PDZRN3: variants seen among roughly 807,000 people sequenced by gnomAD.
The protein encoded by PDZRN3 is E3 ubiquitin-protein ligase PDZRN3.
In PDZRN3, 38 loss-of-function variants were observed where a neutral mutation model predicts 85.7. That is an observed-to-expected ratio of 0.44 (90% CI 0.34 to 0.58). The LOEUF (loss-of-function observed/expected upper bound fraction) is 0.58. Ranked by LOEUF, PDZRN3 falls within the 20% of genes least tolerant of loss-of-function variation. The pLI, the probability that PDZRN3 is intolerant of heterozygous loss-of-function variation, is 0.01. For synonymous variants in PDZRN3, 759 were observed against 638.0 expected (o/e 1.19, Z -2.86); for missense variants, 1,629 against 1,506.4 (o/e 1.08, Z -1.35).
intron 3 of PDZRN3, among the ~76,000 whole-genome samples, chr3:73,551,644 G>A (rs1181946660): frequency 4.9e-5 from 7 of 142,688 alleles, no homozygotes; most frequent in Non-Finnish European, 3.0e-5. Context: ...AACTGTGATT[G>A]CACCACTGCA....
Position 73,569,311 on chromosome 3 carries a change from A to G in PDZRN3, c.918+33043T>C. On this transcript the variant is annotated intron_variant, in intron 3 of 9. Transcript: ENST00000263666. ...TGAGATACTGAGATTCTCTCAAAAC[A>G]GCCTCAGGTGAACCAGGAGAATAAG... The G allele has an allele frequency of 6.5e-6, 8 of 1,232,340 alleles. No homozygotes were observed. In the South Asian group the frequency reaches 1.0e-4, roughly 16 times the overall value. 76.3% of individuals were successfully genotyped at this position (1,232,340 alleles called of 1,614,324 possible).
chr3:73,492,298 C>T (rs1046275741), intron 3 of PDZRN3, among the ~76,000 whole-genome samples: 1 of 152,132 alleles, frequency 6.6e-6, no homozygotes, highest in Non-Finnish European at 1.5e-5. Context: ...TGTATCTCCT[C>T]CTGGGGATAA....
At chr3:73,488,884 T>G (rs1703715404) in intron 3 of PDZRN3, among the ~76,000 whole-genome samples, 1 of 152,254 alleles carries the variant, frequency 6.6e-6, no homozygotes, top group Admixed American at 6.5e-5. Flanking sequence ...CCATCTCTGC[T>G]GCTGATTTCC....
intron 3 of PDZRN3, among the ~76,000 whole-genome samples, chr3:73,535,438 T>A (rs989859137): frequency 3.3e-5 from 5 of 152,210 alleles, no homozygotes; most frequent in Admixed American, 6.5e-5. Context: ...GAGACTTAAC[T>A]GGAGCATCAG....
intron 9 of PDZRN3, among the ~76,000 whole-genome samples, chr3:73,385,407 C>G (rs1362854972): frequency 6.6e-6 from 1 of 152,230 alleles, no homozygotes; most frequent in Non-Finnish European, 1.5e-5. Flanking sequence ...AATGCCAACG[C>G]ATATGTTTTC....
At chr3:73,603,205 A>G (rs1342748028) in intron 2 of PDZRN3, among the ~76,000 whole-genome samples, 5 of 152,354 alleles carry the variant, frequency 3.3e-5, no homozygotes, top group Admixed American at 2.0e-4. Flanking sequence ...GTGAAAACAG[A>G]TATTTTGTTT....
In PDZRN3 at chr3:73,469,949, G is replaced by A. The variant is rs76171666; in HGVS notation, c.919-65554C>T. ...AAGTGGGTAGTTAGTTCAATGTGCT[G>A]TACGTTGTAGGATGTCTAGCAGCAT... On this transcript the variant is annotated intron_variant, in intron 3 of 9. Coordinates refer to ENST00000263666, the MANE Select transcript of PDZRN3 (RefSeq NM_015009.3). 1.4e-4 allele frequency among the ~76,000 whole-genome samples: 22 copies of A among 152,264 alleles called. No individual in the cohort carries two copies. The East Asian group carries it at 3.9e-3, about 27-fold the overall frequency.
intron 3 of PDZRN3, among the ~76,000 whole-genome samples, chr3:73,447,003 G>GT (rs1425637214): frequency 4.0e-5 from 6 of 149,434 alleles, no homozygotes; most frequent in African/African-American, 1.5e-4. Context: ...TCGGATGGAC[G>GT]TGAGCTGAAC....
intron 3 of PDZRN3, among the ~76,000 whole-genome samples, chr3:73,575,646 G>A (rs1262960191): frequency 2.0e-5 from 3 of 152,170 alleles, no homozygotes; most frequent in Admixed American, 2.0e-4. Flanking sequence ...AGAAAGAGAA[G>A]GGCATTATAG....
At position 73,384,642 on chromosome 3, in the gene PDZRN3, C is replaced by A; in HGVS notation, c.1924G>T (p.Glu642Ter). The change falls in exon 10 of 10, where the codon GAG becomes TAG. Residue 642 changes from glutamate to a stop codon, truncating the protein, a stop_gained. Transcript: ENST00000263666. LOFTEE classifies it high-confidence loss of function. ...AGGAGCTCGCGGAAGCGCTCGCACT[C>A]GTCCACCGGGATCCCCAGGTAGTCG... Reference protein sequence around the residue: ...DADYLGIPVDECERFRELLEL... With the variant: ...DADYLGIPVD 6.2e-7 allele frequency: 1 copy of A among 1,613,932 alleles called. No individual in the cohort carries two copies. Among genetic ancestry groups the A allele is most frequent in the Non-Finnish European group, 8.5e-7 (1 of 1,180,042 alleles).
chr3:73,420,613 A>G (rs1299562308), intron 3 of PDZRN3, among the ~76,000 whole-genome samples: 1 of 152,196 alleles, frequency 6.6e-6, no homozygotes, highest in East Asian at 1.9e-4. Context: ...AGATGTCCAC[A>G]TAAGTTGACC....
At chr3:73,605,945 A>G (rs1163915888) in intron 2 of PDZRN3, among the ~76,000 whole-genome samples, 3 of 152,258 alleles carry the variant, frequency 2.0e-5, no homozygotes, top group East Asian at 3.8e-4. Flanking sequence ...AAAAGAAAAT[A>G]ACTTAGACAT....
chr3:73,382,507 T>C lies in PDZRN3; in HGVS notation c.*858A>G, dbSNP rs1703252751. ...ACATCAAAACATATCAAATAGAAAA[T>C]AATAATTTATTTTAACTTCATTTTA... is the stretch of plus-strand genomic sequence containing the variant. On this transcript the variant is annotated 3_prime_UTR_variant, in exon 10 of 10. Coordinates refer to ENST00000263666, the MANE Select transcript of PDZRN3 (RefSeq NM_015009.3). The C allele has an allele frequency of 6.6e-6, 1 of 152,534 alleles. No homozygotes were observed. Among genetic ancestry groups the C allele is most frequent in the African/African-American group, 2.4e-5 (1 of 41,422 alleles). 9.4% of individuals were successfully genotyped at this position (152,534 alleles called of 1,614,324 possible). A position where few individuals can be genotyped will look rare whatever the true frequency, so the allele number is the denominator to read the frequency against.
At chr3:73,564,440 C>G (rs1298349198) in intron 3 of PDZRN3, among the ~76,000 whole-genome samples, 2 of 152,186 alleles carry the variant, frequency 1.3e-5, no homozygotes, top group African/African-American at 4.8e-5. Flanking sequence ...CAAATACATT[C>G]CATCAGCCCT....
At chr3:73,515,615 G>A (rs1310531401) in intron 3 of PDZRN3, among the ~76,000 whole-genome samples, 2 of 152,022 alleles carry the variant, frequency 1.3e-5, no homozygotes, top group African/African-American at 4.8e-5. Flanking sequence ...TTTAAAGATC[G>A]ATTTCCACAG....
intron 3 of PDZRN3, among the ~76,000 whole-genome samples, chr3:73,444,598 C>G (rs1484538147): frequency 1.3e-5 from 2 of 152,168 alleles, no homozygotes; most frequent in Admixed American, 6.5e-5. Flanking sequence ...AATTGTAAAG[C>G]CTGTCTCTAT....
chr3:73,558,706 C>T (rs1701755249), intron 3 of PDZRN3, among the ~76,000 whole-genome samples: 1 of 152,356 alleles, frequency 6.6e-6, no homozygotes, highest in Non-Finnish European at 1.5e-5. Context: ...ACACAGCAGG[C>T]TCCCTCTATT....
chr3:73,562,684 C>T (rs1701845753), intron 3 of PDZRN3, among the ~76,000 whole-genome samples: 1 of 151,956 alleles, frequency 6.6e-6, no homozygotes, highest in Non-Finnish European at 1.5e-5. Flanking sequence ...TGGATTCACC[C>T]CCATCCCACC....
At chr3:73,513,989 C>CA (rs1451921914) in intron 3 of PDZRN3, among the ~76,000 whole-genome samples, 1 of 152,124 alleles carries the variant, frequency 6.6e-6, no homozygotes, top group African/African-American at 2.4e-5. Flanking sequence ...CACTGTCAAA[C>CA]AAAATAAAAC....
Sources: allele counts gnomAD v4.1 joint callset (sites outside exome capture counted in the v4.1 genomes callset), GRCh38; gene constraint gnomAD v4.1.1; transcripts MANE v1.5; gene names NCBI Gene and HGNC (gene_info 2026-07-23, HGNC 2026-07-21).